Variants in KLHL3 observed in about 807,000 individuals in gnomAD.
KLHL3 encodes kelch like family member 3.
Under a neutral mutation model 70.5 loss-of-function variants are expected in KLHL3, and 19 were observed. The observed-to-expected ratio is 0.27, with a 90% CI of 0.19 to 0.40. KLHL3 has a LOEUF of 0.40. Among genes scored for constraint, KLHL3 ranks in the 10% least tolerant of loss-of-function variants. The pLI, the probability that KLHL3 is intolerant of heterozygous loss-of-function variation, is 1.00. For missense variants in KLHL3, 512 were observed against 771.1 expected, an observed-to-expected ratio of 0.66 and a Z score of 3.98; for synonymous variants, 258 against 290.3, an observed-to-expected ratio of 0.89 and a Z score of 1.13.
chr5:137,695,921 C>T (rs2149920366), intron 4 of KLHL3, among the ~76,000 whole-genome samples: 1 of 152,312 alleles, frequency 6.6e-6, no homozygotes, highest in Non-Finnish European at 1.5e-5. Context: ...TGGAAGATTA[C>T]CGTAAGTCAA....
chr5:137,668,883 T>C (rs938078072), intron 6 of KLHL3, among the ~76,000 whole-genome samples: 9 of 149,926 alleles, frequency 6.0e-5, no homozygotes, highest in Non-Finnish European at 7.5e-5. Flanking sequence ...TTAGAATGTT[T>C]TTTAGCGAGC....
chr5:137,691,124 T>C (rs2905602), intron 5 of KLHL3, among the ~76,000 whole-genome samples: 118,877 of 152,144 alleles, frequency 0.78, 46,670 homozygotes, highest in East Asian at 0.98. Flanking sequence ...GTGCAGAGAA[T>C]GTCTCCAAGA....
intron 8 of KLHL3, among the ~76,000 whole-genome samples, chr5:137,646,305 G>A (rs1387577547): frequency 6.6e-6 from 1 of 152,192 alleles, no homozygotes; most frequent in Non-Finnish European, 1.5e-5. Flanking sequence ...CAAGGATGTG[G>A]AGAAAGAGGA....
rs1750274034 is a variant in KLHL3, at chr5:137,620,745, CT to C, written c.*1352del. The stretch of plus-strand genomic sequence containing the variant: ...ATTAGCAAAGCTCTCACCAAGCTCC[CT>C]TTTTAAAATGCAAGCACATCTTAGG... On this transcript the variant is annotated 3_prime_UTR_variant, in exon 15 of 15. Transcript: ENST00000309755. 6.6e-6 allele frequency: 1 copy of C among 152,174 alleles called. No individual in the cohort carries two copies. The highest frequency in any genetic ancestry group is 6.5e-5 in the Admixed American group (1 of 15,276). 9.4% of individuals were successfully genotyped at this position (152,174 alleles called of 1,614,324 possible). A position where few individuals can be genotyped will look rare whatever the true frequency, so the allele number is the denominator to read the frequency against.
intron 8 of KLHL3, among the ~76,000 whole-genome samples, chr5:137,652,456 C>T (rs1751225558): frequency 6.6e-6 from 1 of 152,170 alleles, no homozygotes; most frequent in Non-Finnish European, 1.5e-5. Context: ...CTGTGGTATA[C>T]ATATTTAGTA....
Position 137,706,461 on chromosome 5 carries a change from A to T in KLHL3, c.241+3289T>A, listed in dbSNP as rs1478443389. ...TTAGATATCTTGCTGATGGGAGCAT[A>T]AGCTGGTACAACTGTTCTTTAGATC... On this transcript the variant is annotated intron_variant, in intron 3 of 14. Coordinates refer to ENST00000309755, the MANE Select transcript of KLHL3 (RefSeq NM_017415.3). 5 of 802,876 alleles carry T rather than the reference A, an allele frequency of 6.2e-6. No individual in the cohort carries two copies. In the East Asian group the frequency reaches 6.3e-4, roughly 101 times the overall value. The allele number at this position is 802,876 out of a possible 1,614,324, so 49.7% of individuals were successfully genotyped here.
At chr5:137,637,267 G>A in intron 11 of KLHL3, 27 bp downstream of exon 11, 1 of 1,596,794 alleles carries the variant, frequency 6.3e-7, no homozygotes, top group Non-Finnish European at 8.6e-7. Context: ...AGGTAGGCCT[G>A]GCCACTGGCC....
At chr5:137,699,611 G>C (rs1039137783) in intron 3 of KLHL3, among the ~76,000 whole-genome samples, 1 of 152,216 alleles carries the variant, frequency 6.6e-6, no homozygotes, top group Admixed American at 6.5e-5. Context: ...CCACGGTCCT[G>C]AGGCCCCTTG....
At chr5:137,671,079 GC>G (rs376645505) in intron 6 of KLHL3, among the ~76,000 whole-genome samples, 10 of 151,874 alleles carry the variant, frequency 6.6e-5, no homozygotes, top group African/African-American at 2.4e-4. Flanking sequence ...GAAGAAGAAA[GC>G]TCTCACTCCT....
chr5:137,718,471 C>T (rs1262590636), intron 2 of KLHL3, among the ~76,000 whole-genome samples: 2 of 152,082 alleles, frequency 1.3e-5, no homozygotes, highest in Non-Finnish European at 2.9e-5. Flanking sequence ...GCACTCCAGC[C>T]TAAGTGACAG....
chr5:137,678,499 T>G (rs1437228629), intron 5 of KLHL3, among the ~76,000 whole-genome samples: 1 of 152,204 alleles, frequency 6.6e-6, no homozygotes, highest in South Asian at 2.1e-4. Context: ...GATTATGTTT[T>G]TGGGCCAATG....
chr5:137,684,532 T>G (rs1580759088), intron 5 of KLHL3, among the ~76,000 whole-genome samples: 2 of 151,886 alleles, frequency 1.3e-5, no homozygotes, highest in Non-Finnish European at 1.5e-5. Flanking sequence ...TGGCTGGAGG[T>G]TTTTGCTTAG....
intron 8 of KLHL3, among the ~76,000 whole-genome samples, chr5:137,642,109 T>A (rs1017812351): frequency 3.3e-5 from 5 of 152,230 alleles, no homozygotes; most frequent in Admixed American, 2.0e-4. Flanking sequence ...AATGACATGT[T>A]CGTAAATATG....
chr5:137,723,019 A>G (rs763030407), intron 1 of KLHL3, among the ~76,000 whole-genome samples: 6 of 152,214 alleles, frequency 3.9e-5, no homozygotes, highest in Admixed American at 2.0e-4. Context: ...AATTTTCTCC[A>G]TAAGTTTGAT....
rs769787560 is a variant in KLHL3, at chr5:137,699,605, G to A, written c.242-1197C>T. Reference sequence around the variant, plus strand: ...GGCAATAGCAGCACCACATTTCCACGGTCCTGAGGCCCCTTGCCTTCAGCC... The same window carrying A: ...GGCAATAGCAGCACCACATTTCCACAGTCCTGAGGCCCCTTGCCTTCAGCC... On this transcript the variant is annotated intron_variant, in intron 3 of 14. Coordinates refer to ENST00000309755, the MANE Select transcript of KLHL3 (RefSeq NM_017415.3). Among the ~76,000 whole-genome samples, 14 of 152,178 alleles carry A rather than the reference G, an allele frequency of 9.2e-5. No individual in the cohort carries two copies. The East Asian group carries it at 1.7e-3, about 19-fold the overall frequency.
intron 12 of KLHL3, among the ~76,000 whole-genome samples, chr5:137,631,344 T>C (rs147681054): frequency 4.2e-4 from 64 of 152,324 alleles, no homozygotes; most frequent in African/African-American, 1.3e-3. Context: ...CAAAGGATCA[T>C]AGAGCTTCTG....
At chr5:137,680,835 CG>C (rs1195608698) in intron 5 of KLHL3, among the ~76,000 whole-genome samples, 3 of 152,112 alleles carry the variant, frequency 2.0e-5, no homozygotes, top group African/African-American at 7.2e-5. Flanking sequence ...TGAGCCACTG[CG>C]GCCGGCAGCA....
intron 6 of KLHL3, among the ~76,000 whole-genome samples, chr5:137,673,500 A>G (rs1004245338): frequency 1.3e-5 from 2 of 152,132 alleles, no homozygotes; most frequent in African/African-American, 2.4e-5. Flanking sequence ...GACCTCTCTC[A>G]ATAACAAGAA....
rs764476842 is a variant in KLHL3, at chr5:137,658,353, A to T, written c.754-73T>A. ...TTTCCCAAGCTTTCACCCTGGGCTC[A>T]GTCATTCCTGCACTCCCACACTCAT... On this transcript the variant is annotated intron_variant, in intron 7 of 14. Transcript: ENST00000309755. 2.6e-5 allele frequency: 38 copies of T among 1,438,286 alleles called. 1 individual carries two copies. The highest frequency in any genetic ancestry group is 3.6e-5 in the Non-Finnish European group (37 of 1,024,164). 89.1% of individuals were successfully genotyped at this position (1,438,286 alleles called of 1,614,324 possible). A position where few individuals can be genotyped will look rare whatever the true frequency, so the allele number is the denominator to read the frequency against.
Sources: gnomAD v4.1 joint callset for allele counts (sites outside exome capture counted in the v4.1 genomes callset) on GRCh38, gnomAD v4.1.1 for gene constraint, MANE v1.5 for transcripts, NCBI Gene and HGNC (gene_info 2026-07-23, HGNC 2026-07-21) for gene names.